The following SCHIP1 variants were observed in gnomAD, a reference collection of about 807,000 sequenced individuals.
SCHIP1 encodes the protein schwannomin-interacting protein 1.
In SCHIP1, 8 loss-of-function variants were observed where a neutral mutation model predicts 29.7. The ratio of observed to expected loss-of-function variants is 0.27; its 90% CI spans 0.16 to 0.49. The LOEUF (loss-of-function observed/expected upper bound fraction) is 0.49. Among genes scored for constraint, SCHIP1 ranks in the 20% least tolerant of loss-of-function variants. The probability of loss-of-function intolerance (pLI) is 0.99; values close to 1 mark genes in which losing one functional copy is unlikely to be tolerated. For synonymous variants in SCHIP1, 76 were observed against 94.9 expected, an observed-to-expected ratio of 0.80 and a Z score of 1.16; for missense variants, 193 against 294.6, an observed-to-expected ratio of 0.66 and a Z score of 2.52.
At chr3:159,656,357 C>T in the SCHIP1 span, among the ~76,000 whole-genome samples, 1 of 152,122 alleles carries the variant, frequency 6.6e-6, no homozygotes, top group Non-Finnish European at 1.5e-5. Flanking sequence ...TGGTGTTACA[C>T]CCTTTGGTGT....
At chr3:159,480,538 G>A in the SCHIP1 span, among the ~76,000 whole-genome samples, 1 of 152,060 alleles carries the variant, frequency 6.6e-6, no homozygotes, top group African/African-American at 2.4e-5. Flanking sequence ...ATTTCTTTGG[G>A]AATTTTGTGG....
the SCHIP1 span, among the ~76,000 whole-genome samples, chr3:159,460,957 G>A: frequency 3.3e-5 from 5 of 152,094 alleles, no homozygotes; most frequent in Admixed American, 1.3e-4. Flanking sequence ...GAGGAACTTC[G>A]TGTTAATCAT....
At chr3:159,583,629 G>A in the SCHIP1 span, among the ~76,000 whole-genome samples, 1 of 152,074 alleles carries the variant, frequency 6.6e-6, no homozygotes. Context: ...AAATGACATG[G>A]TAATTGCTTC....
the SCHIP1 span, among the ~76,000 whole-genome samples, chr3:159,323,297 C>A: frequency 6.6e-6 from 1 of 152,076 alleles, no homozygotes; most frequent in Admixed American, 6.6e-5. Flanking sequence ...GATACAGGTG[C>A]ACAGTAATTT....
chr3:159,614,128 G>C, the SCHIP1 span, among the ~76,000 whole-genome samples: 5 of 152,126 alleles, frequency 3.3e-5, no homozygotes, highest in African/African-American at 4.8e-5. Flanking sequence ...GTCAGATCTA[G>C]GATTTGAATA....
the SCHIP1 span, among the ~76,000 whole-genome samples, chr3:159,665,145 C>T: frequency 6.6e-6 from 1 of 152,188 alleles, no homozygotes; most frequent in Non-Finnish European, 1.5e-5. Context: ...TGAAAGTTCA[C>T]TAGATAATTT....
the SCHIP1 span, among the ~76,000 whole-genome samples, chr3:159,786,693 G>GTGTGTGTGTA: frequency 6.5e-4 from 96 of 147,014 alleles, no homozygotes; most frequent in East Asian, 5.0e-3. Context: ...GTGTGTGTGT[G>GTGTGTGTGTA]TGTCTGCGCG....
chr3:159,646,120 C>G, the SCHIP1 span, among the ~76,000 whole-genome samples: 1 of 152,126 alleles, frequency 6.6e-6, no homozygotes, highest in Non-Finnish European at 1.5e-5. Context: ...GAAGCAAAAA[C>G]TCCACAGAGC....
the SCHIP1 span, among the ~76,000 whole-genome samples, chr3:159,828,900 C>T: frequency 8.5e-5 from 13 of 152,278 alleles, no homozygotes; most frequent in Non-Finnish European, 1.5e-4. Flanking sequence ...TTGAGCTTAG[C>T]CCTTCTTGAC....
chr3:159,380,755 A>G, the SCHIP1 span, among the ~76,000 whole-genome samples: 87,860 of 151,874 alleles, frequency 0.58, 26,559 homozygotes, highest in Middle Eastern at 0.67. Flanking sequence ...AATGAGGCCC[A>G]AAGAGATTTA....
At chr3:159,401,579 G>A in the SCHIP1 span, 1 of 156,884 alleles carries the variant, frequency 6.4e-6, no homozygotes, top group Non-Finnish European at 1.4e-5. Flanking sequence ...AGTACAATCA[G>A]TTAAAAAGTA....
At chr3:159,529,962 T>C in the SCHIP1 span, among the ~76,000 whole-genome samples, 103 of 152,340 alleles carry the variant, frequency 6.8e-4, no homozygotes, top group East Asian at 0.018. Context: ...TGAATAGTAT[T>C]CTATTCTGAA....
chr3:159,301,710 G>A, the SCHIP1 span, among the ~76,000 whole-genome samples: 2 of 152,188 alleles, frequency 1.3e-5, no homozygotes, highest in Non-Finnish European at 2.9e-5. Flanking sequence ...CTGTTGCCAT[G>A]TAAGATGTGC....
the SCHIP1 span, among the ~76,000 whole-genome samples, chr3:159,313,336 C>T: frequency 4.3e-4 from 66 of 152,264 alleles, no homozygotes; most frequent in African/African-American, 1.5e-3. Flanking sequence ...TCTGTGCCTC[C>T]CTAAACTTGG....
At chr3:159,843,745 C>T (rs902892653) in intron 1 of SCHIP1, among the ~76,000 whole-genome samples, 3 of 146,704 alleles carry the variant, frequency 2.0e-5, no homozygotes, top group African/African-American at 7.9e-5. Context: ...ATGGTGTGAA[C>T]CCGGGAGGCA....
chr3:159,869,590 A>T (rs114968856), intron 2 of SCHIP1, among the ~76,000 whole-genome samples: 1 of 151,966 alleles, frequency 6.6e-6, no homozygotes, highest in Non-Finnish European at 1.5e-5. Flanking sequence ...CAGCAAAACT[A>T]TAGTGTTAAT....
the SCHIP1 span, among the ~76,000 whole-genome samples, chr3:159,574,487 G>C: frequency 6.5e-4 from 99 of 152,262 alleles, no homozygotes; most frequent in Non-Finnish European, 1.2e-3. Flanking sequence ...TGGAAGCTTC[G>C]TCCCAGAGGG....
chr3:159,828,442 T>TATATATATACGTATATATATAC, the SCHIP1 span, among the ~76,000 whole-genome samples: 12 of 57,506 alleles, frequency 2.1e-4, no homozygotes, highest in Non-Finnish European at 3.4e-4. Context: ...TATATATACG[T>TATATATATACGTATATATATAC]ATATATATAC....
chr3:159,711,819 A>G, the SCHIP1 span, among the ~76,000 whole-genome samples: 1 of 152,228 alleles, frequency 6.6e-6, no homozygotes, highest in African/African-American at 2.4e-5. Context: ...ACTTGCTGAC[A>G]GGGAACAATG....
Sources: allele counts gnomAD v4.1 joint callset (sites outside exome capture counted in the v4.1 genomes callset), GRCh38; gene constraint gnomAD v4.1.1; transcripts MANE v1.5; gene names NCBI Gene and HGNC (gene_info 2026-07-23, HGNC 2026-07-21).